PIK3C2G: variants seen among roughly 807,000 people sequenced by gnomAD.
The protein encoded by PIK3C2G is phosphatidylinositol 3-kinase C2 domain-containing subunit gamma.
PIK3C2G carries 168 observed loss-of-function variants against 181.1 expected under a neutral mutation model. The observed-to-expected ratio is 0.93, with a 90% CI of 0.82 to 1.05. The LOEUF is 1.05. PIK3C2G is among the 50% of genes least tolerant of loss of function. The pLI is 0.00. For missense variants in PIK3C2G, 1,869 were observed against 1,732.8 expected (o/e 1.08, Z -1.40); for synonymous variants, 573 against 592.2 (o/e 0.97, Z 0.47).
chr12:18,303,962 T>C (rs1591888102), intron 5 of PIK3C2G, among the ~76,000 whole-genome samples: 2 of 152,144 alleles, frequency 1.3e-5, no homozygotes. Context: ...AAAGAAATTC[T>C]ACAGTAATTA....
At chr12:18,632,821 G>A (rs1344429811) in intron 31 of PIK3C2G, among the ~76,000 whole-genome samples, 1 of 152,200 alleles carries the variant, frequency 6.6e-6, no homozygotes, top group African/African-American at 2.4e-5. Flanking sequence ...CCCTGGGGAT[G>A]ACAATCTACT....
At chr12:18,715,718 C>G in the PIK3C2G span, 1 of 152,094 alleles carries the variant, frequency 6.6e-6, no homozygotes. Flanking sequence ...TAAAGTGCAG[C>G]CTCGAAGTCC....
chr12:18,416,925 G>T (rs955014539), intron 16 of PIK3C2G, among the ~76,000 whole-genome samples: 1 of 152,124 alleles, frequency 6.6e-6, no homozygotes, highest in Admixed American at 6.6e-5. Context: ...GCCTACAGCT[G>T]CCATAGACAG....
chr12:18,650,724 A>ATC (rs1565602756), downstream of PIK3C2G, among the ~76,000 whole-genome samples: 14 of 19,260 alleles, frequency 7.3e-4, no homozygotes, highest in East Asian at 2.1e-3. Context: ...ATATATATAT[A>ATC]TATATATATA....
At chr12:18,384,047 C>A (rs1302480403) in intron 14 of PIK3C2G, among the ~76,000 whole-genome samples, 1 of 149,172 alleles carries the variant, frequency 6.7e-6, no homozygotes, top group Non-Finnish European at 1.5e-5. Flanking sequence ...GTCTTGAACT[C>A]CTGACCTCAA....
intron 32 of PIK3C2G, among the ~76,000 whole-genome samples, chr12:18,642,107 T>G (rs1949872627): frequency 6.6e-6 from 1 of 152,168 alleles, no homozygotes; most frequent in Admixed American, 6.5e-5. Flanking sequence ...ATAGGCACTT[T>G]TAGACCAGGC....
At chr12:18,301,173 A>G (rs1017703198) in intron 5 of PIK3C2G, among the ~76,000 whole-genome samples, 2 of 152,098 alleles carry the variant, frequency 1.3e-5, no homozygotes, top group African/African-American at 4.8e-5. Context: ...TTTGGCTACA[A>G]TGTGCAATGG....
At position 18,496,162 on chromosome 12, in the gene PIK3C2G, A is replaced by G. The variant is rs750265481; in HGVS notation, c.2886+8A>G. On this transcript the variant is annotated splice_region_variant and intron_variant, in intron 21 of 32. Transcript: ENST00000538779. ...ATCAGCATTATTTTTAAGGTATGGT[A>G]GCGCTCTTAAAACATGAATTGATTC... 11 of 1,459,896 alleles carry G rather than the reference A, an allele frequency of 7.5e-6. No homozygotes were observed. The East Asian group carries it at 2.7e-4, about 36-fold the overall frequency. The allele number at this position is 1,459,896 out of a possible 1,614,324, so 90.4% of individuals were successfully genotyped here. A position where few individuals can be genotyped will look rare whatever the true frequency, so the allele number is the denominator to read the frequency against.
the PIK3C2G span, among the ~76,000 whole-genome samples, chr12:18,710,412 G>A: frequency 1.3e-5 from 2 of 151,966 alleles, no homozygotes; most frequent in Non-Finnish European, 2.9e-5. Context: ...ATGGCCAAGT[G>A]AACAGGGATG....
At chr12:18,376,447 T>A (rs1039813826) in intron 13 of PIK3C2G, among the ~76,000 whole-genome samples, 1 of 152,176 alleles carries the variant, frequency 6.6e-6, no homozygotes. Flanking sequence ...AAGTAACTTG[T>A]TTTGATTTTA....
Position 18,609,638 on chromosome 12 carries a change from A to G in PIK3C2G, c.4182+9A>G, listed in dbSNP as rs750809780. On this transcript the variant is annotated intron_variant, in intron 31 of 32. Coordinates refer to ENST00000538779, the MANE Select transcript of PIK3C2G (RefSeq NM_001288772.2). ...AACACATGAAAAACATTGTAAGTTT[A>G]TTATGTATAATAAGAAACATGTAAG... 4.8e-6 allele frequency: 7 copies of G among 1,467,042 alleles called. No homozygotes were observed. Among genetic ancestry groups the G allele is most frequent in the Middle Eastern group, 1.7e-4 (1 of 5,798 alleles). The allele number at this position is 1,467,042 out of a possible 1,614,324, so 90.9% of individuals were successfully genotyped here.
chr12:18,329,699 C>T (rs184351625), intron 8 of PIK3C2G, among the ~76,000 whole-genome samples: 1 of 151,886 alleles, frequency 6.6e-6, no homozygotes, highest in East Asian at 1.9e-4. Context: ...AATAATATCA[C>T]GAGGTTTTCT....
the PIK3C2G span, chr12:18,701,478 A>T: frequency 1.2e-6 from 2 of 1,614,020 alleles, no homozygotes; most frequent in South Asian, 2.2e-5. Context: ...CACTTGTAAG[A>T]TTTTCACAAA....
intron 2 of PIK3C2G, among the ~76,000 whole-genome samples, chr12:18,286,216 C>G (rs550353143): frequency 2.0e-5 from 3 of 152,028 alleles, no homozygotes. Flanking sequence ...ACTGACCAAG[C>G]TATTCATTCA....
chr12:18,515,874 CT>C (rs1451547653), intron 24 of PIK3C2G, among the ~76,000 whole-genome samples: 2 of 152,062 alleles, frequency 1.3e-5, no homozygotes, highest in Non-Finnish European at 2.9e-5. Flanking sequence ...CATAGAACTG[CT>C]TTTGCTATAT....
At chr12:18,639,971 A>C (rs2136790364) in intron 31 of PIK3C2G, among the ~76,000 whole-genome samples, 1 of 151,664 alleles carries the variant, frequency 6.6e-6, no homozygotes, top group South Asian at 2.1e-4. Flanking sequence ...TTATTTTAAA[A>C]TGTGATATTA....
At chr12:18,303,196 C>T (rs1383655362) in intron 5 of PIK3C2G, among the ~76,000 whole-genome samples, 2 of 139,840 alleles carry the variant, frequency 1.4e-5, no homozygotes, top group East Asian at 4.2e-4. Context: ...TTCTTTCTTT[C>T]TTTTCCTTTC....
intron 14 of PIK3C2G, among the ~76,000 whole-genome samples, chr12:18,386,435 C>T (rs1943174826): frequency 6.6e-6 from 1 of 152,094 alleles, no homozygotes; most frequent in South Asian, 2.1e-4. Context: ...TACCCCTTAG[C>T]TCTCACCTCC....
chr12:18,260,135 T>C (rs112753484), upstream of PIK3C2G, among the ~76,000 whole-genome samples: 4 of 151,982 alleles, frequency 2.6e-5, no homozygotes, highest in African/African-American at 9.6e-5. Flanking sequence ...AGATTGTTCC[T>C]TTTCAACCCA....
Sources: allele counts gnomAD v4.1 joint callset (sites outside exome capture counted in the v4.1 genomes callset), GRCh38; gene constraint gnomAD v4.1.1; transcripts MANE v1.5; gene names NCBI Gene and HGNC (gene_info 2026-07-23, HGNC 2026-07-21).